RFC1: variants seen among roughly 807,000 people sequenced by gnomAD.
RFC1 encodes A1 140 kDa subunit.
In RFC1, 37 loss-of-function variants were observed where a neutral mutation model predicts 137.4. That is an observed-to-expected ratio of 0.27 (90% CI 0.21 to 0.35). RFC1 has a LOEUF of 0.35. RFC1 is among the 10% of genes least tolerant of loss of function. The probability of loss-of-function intolerance (pLI) is 1.00; values close to 1 mark genes in which losing one functional copy is unlikely to be tolerated. For synonymous variants in RFC1, 429 were observed against 455.7 expected (o/e 0.94, Z 0.75); for missense variants, 1,205 against 1,358.5 (o/e 0.89, Z 1.78).
chr4:39,321,998 G>C (rs1194340353), intron 7 of RFC1, among the ~76,000 whole-genome samples: 3 of 151,998 alleles, frequency 2.0e-5, no homozygotes, highest in African/African-American at 7.3e-5. Context: ...ACAACTCTCT[G>C]CTTTAAAGAA....
chr4:39,302,713 G>T (rs373328037), intron 17 of RFC1, 24 bp downstream of exon 17: 3 of 1,551,454 alleles, frequency 1.9e-6, no homozygotes, highest in Non-Finnish European at 2.6e-6. Flanking sequence ...TAGTGTGATG[G>T]AAAAAAAATT....
chr4:39,340,641 C>T (rs897066125), intron 4 of RFC1, among the ~76,000 whole-genome samples: 1 of 152,062 alleles, frequency 6.6e-6, no homozygotes, highest in South Asian at 2.1e-4. Context: ...GAAACTCTTA[C>T]ATTTGTGATT....
At chr4:39,364,714 C>T (rs537716203) in intron 1 of RFC1, among the ~76,000 whole-genome samples, 28 of 152,192 alleles carry the variant, frequency 1.8e-4, no homozygotes, top group African/African-American at 6.3e-4. Context: ...AGAACCAGAA[C>T]GGAAGCTTTA....
rs1738345304 is a variant in RFC1 at position 39,301,245 on chromosome 4, T to A, written c.2536-831A>T. Among the ~76,000 whole-genome samples, 3 of 152,120 alleles carry A rather than the reference T, an allele frequency of 2.0e-5. No homozygotes were observed. In the South Asian group the frequency reaches 6.2e-4, roughly 32 times the overall value. On this transcript the variant is annotated intron_variant, in intron 19 of 24. Coordinates refer to ENST00000349703, the MANE Select transcript of RFC1 (RefSeq NM_002913.5). ...GGAAAAGGCAAAACTATGGACACAGTGAAAGGATCAGTGGCTGCCAGGGGT... is the reference window on the plus strand; with the variant it reads ...GGAAAAGGCAAAACTATGGACACAGAGAAAGGATCAGTGGCTGCCAGGGGT...
At chr4:39,316,060 A>C (rs541530039) in intron 10 of RFC1, among the ~76,000 whole-genome samples, 1 of 151,944 alleles carries the variant, frequency 6.6e-6, no homozygotes, top group South Asian at 2.1e-4. Flanking sequence ...GAGAAACCCC[A>C]TCTCTACTAA....
intron 1 of RFC1, 78 bp from the exon 2 acceptor site, chr4:39,351,554 C>T (rs1409546342): frequency 1.6e-6 from 2 of 1,268,722 alleles, no homozygotes; most frequent in Non-Finnish European, 1.1e-6. Context: ...GATGGGACAG[C>T]TTTATGTACA....
At chr4:39,322,395 G>A (rs540899659) in intron 7 of RFC1, 41 of 151,548 alleles carry the variant, frequency 2.7e-4, no homozygotes, top group African/African-American at 9.9e-4. Context: ...GTGACAAAGT[G>A]AGACCTCGCA....
Position 39,308,699 on chromosome 4 carries a change from C to T in RFC1, c.1822G>A (p.Ala608Thr). 6.2e-7 allele frequency: 1 copy of T among 1,614,152 alleles called. No individual in the cohort carries two copies. The highest frequency in any genetic ancestry group is 1.7e-5 in the Admixed American group (1 of 60,022). ...CGGAGCCAGCGTAGGAGTTTGTTGG[C>T]ACAGCTCTGGTCACCTTGCTGTCCA... Reference protein sequence around the residue: ...IIGQQGDQSCANKLLRWLRNW... With the variant: ...IIGQQGDQSCTNKLLRWLRNW... Residue 608 changes from alanine (A) to threonine (T), a missense_variant, in exon 13 of 25, where the codon GCC (alanine) becomes ACC (threonine). By Grantham distance (58) the Ala-to-Thr change is moderately conservative. This residue lies in a region of RFC1 where 962 missense variants were observed against 1,035.3 expected (regional missense o/e 0.93). Transcript: ENST00000349703.
chr4:39,313,562 C>A (rs1218637709), intron 10 of RFC1, among the ~76,000 whole-genome samples: 1 of 152,170 alleles, frequency 6.6e-6, no homozygotes, highest in Non-Finnish European at 1.5e-5. Flanking sequence ...TGCCCGAACT[C>A]ATGGATTGTA....
At chr4:39,290,134 C>T in intron 23 of RFC1, 95 bp from the exon 24 acceptor site, 2 of 796,938 alleles carry the variant, frequency 2.5e-6, no homozygotes, top group East Asian at 4.9e-5. Context: ...GAGCCCCCTG[C>T]AACTGTTTGC....
chr4:39,288,876 A>C (rs747160864), intron 24 of RFC1, 32 bp from the exon 25 acceptor site: 40 of 1,318,704 alleles, frequency 3.0e-5, no homozygotes, highest in Non-Finnish European at 4.0e-5. Context: ...AATAGTTAAT[A>C]GCTGTGTTTA....
At chr4:39,298,213 C>T (rs1300102248) in intron 21 of RFC1, among the ~76,000 whole-genome samples, 1 of 144,674 alleles carries the variant, frequency 6.9e-6, no homozygotes, top group African/African-American at 2.5e-5. Context: ...AGGGCTGAGG[C>T]GGGAGGATCA....
rs375927016 is a variant in RFC1 at position 39,308,019 on chromosome 4, G to A, written c.1885+617C>T. The stretch of plus-strand genomic sequence containing the variant: ...CATATTGGAGCTTTTCACTCTCCAC[G>A]ACAAATAATACATCATAAACAAGGA... On this transcript the variant is annotated intron_variant, in intron 13 of 24. Coordinates refer to ENST00000349703, the MANE Select transcript of RFC1 (RefSeq NM_002913.5). Among the ~76,000 whole-genome samples the A allele has an allele frequency of 7.9e-5, 12 of 152,212 alleles. No individual in the cohort carries two copies. In the East Asian group the frequency reaches 1.2e-3, roughly 15 times the overall value.
chr4:39,294,250 A>C (rs2109583479), intron 22 of RFC1, among the ~76,000 whole-genome samples: 1 of 152,336 alleles, frequency 6.6e-6, no homozygotes, highest in East Asian at 1.9e-4. Context: ...ATTTTACAGG[A>C]ACAGAAAAAA....
At chr4:39,305,011 A>G in intron 14 of RFC1, 83 bp from the exon 15 acceptor site, 1 of 798,594 alleles carries the variant, frequency 1.3e-6, no homozygotes, top group Non-Finnish European at 2.2e-6. Flanking sequence ...TTAAGAAAGA[A>G]AGAAGGTACA....
chr4:39,314,624 AC>A (rs1739145737), intron 10 of RFC1, among the ~76,000 whole-genome samples: 1 of 151,558 alleles, frequency 6.6e-6, no homozygotes, highest in Admixed American at 6.6e-5. Flanking sequence ...GGTCTCTCAT[AC>A]CCATGTACAG....
intron 4 of RFC1, among the ~76,000 whole-genome samples, chr4:39,339,237 T>A (rs1355313187): frequency 3.3e-5 from 5 of 152,156 alleles, no homozygotes; most frequent in Middle Eastern, 6.3e-3. Flanking sequence ...GAGGTGGTGA[T>A]TTCATTTCCT....
At chr4:39,303,653 C>A (rs567447405) in intron 15 of RFC1, among the ~76,000 whole-genome samples, 2 of 152,218 alleles carry the variant, frequency 1.3e-5, no homozygotes, top group Non-Finnish European at 2.9e-5. Flanking sequence ...GGTGTTTCAC[C>A]ATGTTGACCA....
Position 39,310,523 on chromosome 4 carries a change from G to A in RFC1, c.1488+922C>T, listed in dbSNP as rs1358584067. 2.6e-5 allele frequency among the ~76,000 whole-genome samples: 4 copies of A among 152,122 alleles called. No individual in the cohort carries two copies. The East Asian group carries it at 7.7e-4, about 29-fold the overall frequency. ...GGGGACATTAAAATCTTGGAATGCTGGCAATCCTGTGTCCTGTGTGTAAAA... is the reference window on the plus strand; with the variant it reads ...GGGGACATTAAAATCTTGGAATGCTAGCAATCCTGTGTCCTGTGTGTAAAA... On this transcript the variant is annotated intron_variant, in intron 12 of 24. Transcript: ENST00000349703.
Sources: allele counts gnomAD v4.1 joint callset (sites outside exome capture counted in the v4.1 genomes callset), GRCh38; gene constraint gnomAD v4.1.1; regional missense constraint gnomAD v4.1.1; transcripts MANE v1.5; gene names NCBI Gene and HGNC (gene_info 2026-07-23, HGNC 2026-07-21).